MGAT4C: variants seen among roughly 807,000 people sequenced by gnomAD.
MGAT4C encodes the protein MGAT4 family member C.
MGAT4C carries 19 observed loss-of-function variants against 40.1 expected under a neutral mutation model. That is an observed-to-expected ratio of 0.47 (90% CI 0.33 to 0.70). MGAT4C has a LOEUF of 0.70. MGAT4C is among the 30% of genes least tolerant of loss of function. The pLI is 0.02. For missense variants in MGAT4C, 491 were observed against 563.2 expected, an observed-to-expected ratio of 0.87 and a Z score of 1.30; for synonymous variants, 181 against 187.1, an observed-to-expected ratio of 0.97 and a Z score of 0.27.
intron 1 of MGAT4C, among the ~76,000 whole-genome samples, chr12:86,246,919 T>C (rs1488598603): frequency 6.6e-6 from 1 of 152,200 alleles, no homozygotes; most frequent in Non-Finnish European, 1.5e-5. Flanking sequence ...ATTTTGAGAC[T>C]TTCTGCACCC....
chr12:86,178,979 A>G (rs1367039896), intron 1 of MGAT4C, among the ~76,000 whole-genome samples: 1 of 152,134 alleles, frequency 6.6e-6, no homozygotes, highest in Non-Finnish European at 1.5e-5. Context: ...GCTTTTTTCA[A>G]TACGATACTA....
intron 1 of MGAT4C, among the ~76,000 whole-genome samples, chr12:86,159,964 A>G (rs1885411169): frequency 6.6e-6 from 1 of 152,030 alleles, no homozygotes. Flanking sequence ...AGGCATATCA[A>G]TCTTATTTAT....
At chr12:86,001,498 G>T in intron 2 of MGAT4C, 1 of 359,304 alleles carries the variant, frequency 2.8e-6, no homozygotes, top group Non-Finnish European at 3.9e-6. Context: ...ACCTACCTTT[G>T]AAGCTTTCGT....
In MGAT4C at chr12:85,980,243, C is replaced by G; in HGVS notation, c.483G>C (p.Ala161=). The change falls in exon 5 of 5, where the codon GCG becomes GCC. Residue 161 remains alanine, a synonymous_variant. Transcript: ENST00000611864. Reference sequence around the variant, plus strand: ...TTAATCTTCCTGCAATAATATGGTGCGCAAATTTCTGTGTAATATCCTGGA... The same window carrying G: ...TTAATCTTCCTGCAATAATATGGTGGGCAAATTTCTGTGTAATATCCTGGA... ...AMVQDITQKF[A]HHIIAGRLMV... 2 of 1,613,824 alleles carry G rather than the reference C, an allele frequency of 1.2e-6. No individual in the cohort carries two copies. The highest frequency in any genetic ancestry group is 1.7e-6 in the Non-Finnish European group (2 of 1,179,866).
At chr12:86,747,808 G>A (rs959844208) in intron 1 of MGAT4C, among the ~76,000 whole-genome samples, 2 of 151,392 alleles carry the variant, frequency 1.3e-5, no homozygotes, top group African/African-American at 4.8e-5. Flanking sequence ...ATAACTGGCT[G>A]ATACGTGCAA....
At chr12:86,394,614 CTTTATATATATATATATAT>C (rs1956220199) in intron 3 of MGAT4C, among the ~76,000 whole-genome samples, 1 of 93,034 alleles carries the variant, frequency 1.1e-5, no homozygotes, top group African/African-American at 3.3e-5. Context: ...TATATATATA[CTTTATATATATATATATAT>C]ATGTACTTTT....
chr12:86,137,602 A>G (rs1882154583), intron 1 of MGAT4C, among the ~76,000 whole-genome samples: 1 of 152,218 alleles, frequency 6.6e-6, no homozygotes, highest in South Asian at 2.1e-4. Context: ...TACGCTCAAG[A>G]AAAGTATTTA....
intron 1 of MGAT4C, among the ~76,000 whole-genome samples, chr12:86,227,025 T>C (rs1951115076): frequency 6.6e-6 from 1 of 151,894 alleles, no homozygotes; most frequent in Non-Finnish European, 1.5e-5. Context: ...TAAACTTCAT[T>C]GCAAATTTTC....
intron 1 of MGAT4C, among the ~76,000 whole-genome samples, chr12:86,064,307 G>C (rs1894293460): frequency 1.3e-5 from 2 of 152,154 alleles, no homozygotes; most frequent in Admixed American, 1.3e-4. Flanking sequence ...ATGAACCTGG[G>C]AGGTGGAACT....
At chr12:86,386,182 G>A (rs910644571) in intron 3 of MGAT4C, among the ~76,000 whole-genome samples, 8 of 152,114 alleles carry the variant, frequency 5.3e-5, no homozygotes, top group African/African-American at 1.2e-4. Context: ...CACCCGCCTC[G>A]GCCTCCCAAA....
intron 1 of MGAT4C, among the ~76,000 whole-genome samples, chr12:86,183,019 A>G (rs1162169436): frequency 6.6e-6 from 1 of 152,162 alleles, no homozygotes; most frequent in Non-Finnish European, 1.5e-5. Flanking sequence ...CTGATTAGAC[A>G]GTACTATAAA....
chr12:86,030,759 T>A (rs1403098976), intron 2 of MGAT4C, among the ~76,000 whole-genome samples: 1 of 151,758 alleles, frequency 6.6e-6, no homozygotes, highest in Non-Finnish European at 1.5e-5. Flanking sequence ...AATCACAGAA[T>A]ATTCAAGCCA....
rs1031421034 is a variant in MGAT4C at position 85,966,687 on chromosome 12, G to A, written c.*12602C>T. The A allele has an allele frequency of 6.6e-6, 1 of 152,004 alleles. No homozygotes were observed. Among genetic ancestry groups the A allele is most frequent in the Non-Finnish European group, 1.5e-5 (1 of 67,998 alleles). The allele number at this position is 152,004 out of a possible 1,614,324, so 9.4% of individuals were successfully genotyped here. A position where few individuals can be genotyped will look rare whatever the true frequency, so the allele number is the denominator to read the frequency against. ...ATGATAGACTGGATTAAGAAAATGT[G>A]GCACATATACACCATGGAATACTAT... On this transcript the variant is annotated 3_prime_UTR_variant, in exon 5 of 5. Transcript: ENST00000611864.
chr12:86,767,561 C>G (rs1169631947), intron 1 of MGAT4C, among the ~76,000 whole-genome samples: 2 of 151,856 alleles, frequency 1.3e-5, no homozygotes, highest in Non-Finnish European at 2.9e-5. Context: ...GAGACACAAC[C>G]AAAAAAGAGA....
intron 1 of MGAT4C, among the ~76,000 whole-genome samples, chr12:86,139,030 G>C (rs1003174797): frequency 6.6e-6 from 1 of 151,988 alleles, no homozygotes; most frequent in African/African-American, 2.4e-5. Context: ...TCATCTTCCT[G>C]GGTCCTCATG....
chr12:86,070,954 T>C (rs907054110), intron 1 of MGAT4C, among the ~76,000 whole-genome samples: 1 of 152,096 alleles, frequency 6.6e-6, no homozygotes, highest in Admixed American at 6.6e-5. Flanking sequence ...ATCTACATTA[T>C]TATGTAGAAG....
At chr12:86,452,771 T>C (rs905268647) in intron 2 of MGAT4C, among the ~76,000 whole-genome samples, 1 of 152,092 alleles carries the variant, frequency 6.6e-6, no homozygotes, top group Non-Finnish European at 1.5e-5. Context: ...CTTAGTAACT[T>C]TGACTCCAGT....
At chr12:86,812,517 T>C (rs895335467) in intron 1 of MGAT4C, among the ~76,000 whole-genome samples, 1 of 152,112 alleles carries the variant, frequency 6.6e-6, no homozygotes, top group African/African-American at 2.4e-5. Context: ...TAGGTCATCT[T>C]GTTAAATGGA....
chr12:86,078,105 C>T (rs1042731438), intron 1 of MGAT4C, among the ~76,000 whole-genome samples: 8 of 152,134 alleles, frequency 5.3e-5, no homozygotes, highest in Non-Finnish European at 1.0e-4. Flanking sequence ...GTGCCACTTA[C>T]ACCTCCACCC....
Sources: gnomAD v4.1 joint callset for allele counts (sites outside exome capture counted in the v4.1 genomes callset) on GRCh38, gnomAD v4.1.1 for gene constraint, MANE v1.5 for transcripts, NCBI Gene and HGNC (gene_info 2026-07-23, HGNC 2026-07-21) for gene names.